Variants in NEK1 observed in about 807,000 individuals in gnomAD.
The protein encoded by NEK1 is NIMA related kinase 1, also known as serine/threonine-protein kinase Nek1.
Under a neutral mutation model 182.1 loss-of-function variants are expected in NEK1, and 137 were observed. The observed-to-expected ratio is 0.75, with a 90% CI of 0.65 to 0.87. The LOEUF is 0.87. Ranked by LOEUF, NEK1 falls within the 40% of genes least tolerant of loss-of-function variation. NEK1 has a pLI of 0.00. For synonymous variants in NEK1, 513 were observed against 492.2 expected (o/e 1.04, Z -0.56); for missense variants, 1,391 against 1,494.4 (o/e 0.93, Z 1.14).
At chr4:169,594,796 T>C (rs757870667) in intron 5 of NEK1, among the ~76,000 whole-genome samples, 6 of 152,202 alleles carry the variant, frequency 3.9e-5, no homozygotes, top group Non-Finnish European at 8.8e-5. Flanking sequence ...TAAGTCTGTA[T>C]AGCTAAAATA....
At chr4:169,467,162 A>G (rs528521094) in intron 26 of NEK1, among the ~76,000 whole-genome samples, 1 of 152,276 alleles carries the variant, frequency 6.6e-6, no homozygotes, top group South Asian at 2.1e-4. Flanking sequence ...AATATAGTAT[A>G]TAATACGTAT....
At chr4:169,594,407 T>C (rs570515673) in intron 5 of NEK1, among the ~76,000 whole-genome samples, 1 of 152,362 alleles carries the variant, frequency 6.6e-6, no homozygotes, top group Non-Finnish European at 1.5e-5. Flanking sequence ...TTGGCTTCTC[T>C]ATTAGAATGG....
At chr4:169,451,523 C>T (rs912864476) in intron 27 of NEK1, among the ~76,000 whole-genome samples, 4 of 152,158 alleles carry the variant, frequency 2.6e-5, no homozygotes, top group Admixed American at 6.5e-5. Context: ...GAACAACTTG[C>T]TCCTGAATGA....
At chr4:169,551,917 A>G (rs1761483002) in intron 18 of NEK1, among the ~76,000 whole-genome samples, 1 of 152,160 alleles carries the variant, frequency 6.6e-6, no homozygotes, top group African/African-American at 2.4e-5. Context: ...ATAATAAGGT[A>G]GTTAGCTGTT....
At position 169,438,228 on chromosome 4, in the gene NEK1, G is replaced by A. The variant is rs1319668523; in HGVS notation, c.2619C>T (p.Pro873=). ...EISPEGEKYK[P]LITGEKKVQC... is the part of the protein sequence containing the mutation. ...GTACTTTTTTTTCTCCAGTAATTAA[G>A]GGTTTGTACTTTTCCCCTTCGGGAG... is the stretch of plus-strand genomic sequence containing the variant. Residue 873 remains proline, a synonymous_variant, in exon 28 of 36, where the codon CCC becomes CCT. Coordinates refer to ENST00000507142, the MANE Select transcript of NEK1 (RefSeq NM_001199397.3). 11 of 1,558,852 alleles carry A rather than the reference G, an allele frequency of 7.1e-6. No homozygotes were observed. The South Asian group carries it at 1.2e-4, about 17-fold the overall frequency.
At position 169,426,249 on chromosome 4, in the gene NEK1, T is replaced by C. The variant is rs767110082; in HGVS notation, c.2886-15A>G. 5.0e-6 allele frequency: 8 copies of C among 1,604,916 alleles called. No homozygotes were observed. Among genetic ancestry groups the C allele is most frequent in the Non-Finnish European group, 5.1e-6 (6 of 1,173,438 alleles). On this transcript the variant is annotated splice_polypyrimidine_tract_variant and intron_variant, in intron 29 of 35. Coordinates refer to ENST00000507142, the MANE Select transcript of NEK1 (RefSeq NM_001199397.3). ...TATCTGCCGACCTGCCACAGATGGG[T>C]ACACCAATTAAAAACACACACACTT...
At chr4:169,400,892 C>CAA (rs1731558581) in intron 33 of NEK1, among the ~76,000 whole-genome samples, 1 of 149,074 alleles carries the variant, frequency 6.7e-6, no homozygotes, top group South Asian at 2.1e-4. Flanking sequence ...AGGTTGGAAT[C>CAA]AAAACACTCC....
At chr4:169,411,487 T>C (rs1301988521) in intron 31 of NEK1, among the ~76,000 whole-genome samples, 1 of 152,116 alleles carries the variant, frequency 6.6e-6, no homozygotes, top group Non-Finnish European at 1.5e-5. Flanking sequence ...CCGCCACACC[T>C]GGCTAATTTT....
chr4:169,610,161 C>T (rs1165214771), intron 2 of NEK1, among the ~76,000 whole-genome samples: 2 of 152,048 alleles, frequency 1.3e-5, no homozygotes, highest in East Asian at 3.9e-4. Flanking sequence ...GACACCATAC[C>T]CAGCTAATTT....
intron 12 of NEK1, among the ~76,000 whole-genome samples, chr4:169,563,593 T>C (rs1763259369): frequency 1.3e-5 from 2 of 152,190 alleles, no homozygotes; most frequent in African/African-American, 4.8e-5. Context: ...TTCTTTCCTT[T>C]TAATTGCTCT....
chr4:169,461,442 C>G (rs1743956370), intron 27 of NEK1, among the ~76,000 whole-genome samples: 1 of 152,022 alleles, frequency 6.6e-6, no homozygotes, highest in African/African-American at 2.4e-5. Flanking sequence ...TGCTTATTGT[C>G]TTGTGGCTCT....
intron 35 of NEK1, 106 bp downstream of exon 35, chr4:169,400,119 A>C (rs1731403271): frequency 9.2e-7 from 1 of 1,085,134 alleles, no homozygotes; most frequent in Non-Finnish European, 1.4e-6. Flanking sequence ...ATAGTTCCCA[A>C]GTAGATTTCA....
chr4:169,495,039 T>C (rs946366229), intron 23 of NEK1, among the ~76,000 whole-genome samples: 1 of 152,238 alleles, frequency 6.6e-6, no homozygotes, highest in Non-Finnish European at 1.5e-5. Flanking sequence ...ATTCTGTAGG[T>C]TGCCTGTTCA....
At chr4:169,593,931 G>A (rs1027701876) in intron 5 of NEK1, among the ~76,000 whole-genome samples, 5 of 151,402 alleles carry the variant, frequency 3.3e-5, no homozygotes, top group African/African-American at 1.2e-4. Flanking sequence ...GGAGCTTGCA[G>A]TGAGCCGAGA....
Position 169,599,214 on chromosome 4 carries a change from T to C in NEK1, c.215-17A>G. 6.5e-7 allele frequency: 1 copy of C among 1,549,328 alleles called. No individual in the cohort carries two copies. On this transcript the variant is annotated splice_polypyrimidine_tract_variant and intron_variant, in intron 4 of 35. Coordinates refer to ENST00000507142, the MANE Select transcript of NEK1 (RefSeq NM_001199397.3). ...AGCCATTTTCTACAAAATATAAACA[T>C]TACAGTCCACTTTTAAAAACGTACA...
chr4:169,544,785 A>G (rs1760099627), intron 18 of NEK1, among the ~76,000 whole-genome samples: 1 of 151,590 alleles, frequency 6.6e-6, no homozygotes, highest in Admixed American at 6.6e-5. Context: ...TATTTATAGT[A>G]TTCTCTGATG....
chr4:169,414,864 AC>A (rs1189226435), intron 31 of NEK1, among the ~76,000 whole-genome samples: 6 of 152,220 alleles, frequency 3.9e-5, no homozygotes, highest in Admixed American at 3.9e-4. Flanking sequence ...TGGTGAATGA[AC>A]AAAAAAGTTT....
At chr4:169,471,505 G>A (rs893043814) in intron 26 of NEK1, among the ~76,000 whole-genome samples, 20 of 152,152 alleles carry the variant, frequency 1.3e-4, no homozygotes, top group Admixed American at 3.3e-4. Flanking sequence ...AAGCTTCGTC[G>A]CAGAGAGGCA....
intron 24 of NEK1, among the ~76,000 whole-genome samples, chr4:169,478,634 T>C (rs760262066): frequency 5.3e-5 from 8 of 152,106 alleles, no homozygotes; most frequent in Non-Finnish European, 1.2e-4. Context: ...ACAGCTAGTG[T>C]ACCAATTTTG....
Sources: allele counts gnomAD v4.1 joint callset (sites outside exome capture counted in the v4.1 genomes callset), GRCh38; gene constraint gnomAD v4.1.1; transcripts MANE v1.5; gene names NCBI Gene and HGNC (gene_info 2026-07-23, HGNC 2026-07-21).